Variants in NHSL1 observed in about 807,000 individuals in gnomAD.
NHSL1 encodes NHS like 1.
In NHSL1, 48 loss-of-function variants were observed where a neutral mutation model predicts 95.0. The observed-to-expected ratio is 0.51, with a 90% CI of 0.40 to 0.64. The LOEUF is 0.64. NHSL1 is among the 30% of genes least tolerant of loss of function. The pLI is 0.00. For missense variants in NHSL1, 1,971 were observed against 2,077.7 expected (o/e 0.95, Z 1.00); for synonymous variants, 783 against 833.9 (o/e 0.94, Z 1.05).
chr6:138,430,623 C>T lies in NHSL1; in HGVS notation c.3722G>A (p.Arg1241Lys). The part of the protein sequence containing the change: ...TTGEEGSVHS[R>K]EAKESSAAQA... Reference sequence around the variant, plus strand: ...GGCTGCAGAACTCTCTTTTGCCTCCCTGCTGTGCACAGAGCCCTCCTCTCC... The same window carrying T: ...GGCTGCAGAACTCTCTTTTGCCTCCTTGCTGTGCACAGAGCCCTCCTCTCC... Residue 1241 changes from arginine to lysine, a missense_variant, in exon 6 of 8, where the codon AGG becomes AAG. Coordinates refer to ENST00000343505, the MANE Select transcript of NHSL1 (RefSeq NM_001144060.2). The surrounding 1 kb of genome is among the most constrained non-coding windows in gnomAD (Gnocchi z 4.7). 1 of 1,551,320 alleles carries T rather than the reference C, an allele frequency of 6.4e-7. No homozygotes were observed.
intron 1 of NHSL1, among the ~76,000 whole-genome samples, chr6:138,523,924 T>C (rs544450366): frequency 2.0e-5 from 3 of 152,332 alleles, no homozygotes; most frequent in East Asian, 3.9e-4. Context: ...AAAAAGTTAA[T>C]TGTGCTTACT....
At chr6:138,581,764 G>A (rs1005339871) in intron 1 of NHSL1, among the ~76,000 whole-genome samples, 2 of 150,986 alleles carry the variant, frequency 1.3e-5, no homozygotes, top group South Asian at 4.2e-4. Context: ...TTTACACCAA[G>A]TGTTGAGAGG....
chr6:138,662,405 C>A (rs1785238448), intron 1 of NHSL1, among the ~76,000 whole-genome samples: 1 of 152,188 alleles, frequency 6.6e-6, no homozygotes, highest in South Asian at 2.1e-4. Flanking sequence ...AGGTTAGGAT[C>A]CTCGTCCTTG....
At chr6:138,437,413 T>TACAC (rs71546236) in intron 5 of NHSL1, among the ~76,000 whole-genome samples, 5 of 47,906 alleles carry the variant, frequency 1.0e-4, no homozygotes, top group Non-Finnish European at 1.7e-4. Context: ...TACACACATA[T>TACAC]ACACACACAC....
chr6:138,519,947 C>T (rs889567636), intron 1 of NHSL1, among the ~76,000 whole-genome samples: 1 of 152,100 alleles, frequency 6.6e-6, no homozygotes, highest in African/African-American at 2.4e-5. Context: ...CCCTCTCAAC[C>T]TTTTTCACGT....
intron 1 of NHSL1, among the ~76,000 whole-genome samples, chr6:138,513,238 TA>T (rs1781312458): frequency 6.6e-6 from 1 of 152,346 alleles, no homozygotes; most frequent in African/African-American, 2.4e-5. Context: ...TGGCGAACTT[TA>T]AAGCATTCTT....
At chr6:138,425,995 T>A (rs569734310) in intron 7 of NHSL1, among the ~76,000 whole-genome samples, 1 of 152,330 alleles carries the variant, frequency 6.6e-6, no homozygotes, top group South Asian at 2.1e-4. Flanking sequence ...GTATTTCTTG[T>A]CCTGAGTCTC....
At chr6:138,433,726 A>G (rs1775876351) in intron 5 of NHSL1, 46 bp from the exon 6 acceptor site, 1 of 1,471,484 alleles carries the variant, frequency 6.8e-7, no homozygotes, top group Non-Finnish European at 9.0e-7. Context: ...AATAAAATCC[A>G]TAGTTCATCA....
At chr6:138,435,665 C>T (rs548321307) in intron 5 of NHSL1, among the ~76,000 whole-genome samples, 58 of 151,338 alleles carry the variant, frequency 3.8e-4, no homozygotes, top group African/African-American at 1.2e-3. Context: ...TAGATGCATA[C>T]GTCGTTTTAC....
intron 1 of NHSL1, among the ~76,000 whole-genome samples, chr6:138,673,060 TAGATA>T (rs1304809614): frequency 9.2e-6 from 1 of 108,358 alleles, no homozygotes; most frequent in South Asian, 3.2e-4. Context: ...GATAGATAGA[TAGATA>T]ATGTTTCTAG....
chr6:138,642,347 G>A lies in NHSL1; in HGVS notation c.96+50129C>T, dbSNP rs73566657. Among the ~76,000 whole-genome samples, 1,302 of 152,258 alleles carry A rather than the reference G, an allele frequency of 8.6e-3. 17 individuals are homozygous for A. Among genetic ancestry groups the A allele is most frequent in the African/African-American group, 0.029 (1,190 of 41,550 alleles). On this transcript the variant is annotated intron_variant, in intron 1 of 3. Coordinates refer to the NHSL1 transcript ENST00000491526. ...TGCAAAAAAATACCAAAACCTGGAT[G>A]AGTCAGGAAAAGACTTTGAAGAGAA...
chr6:138,575,025 G>A (rs1023226197), upstream of NHSL1, among the ~76,000 whole-genome samples: 2 of 151,918 alleles, frequency 1.3e-5, no homozygotes, highest in Non-Finnish European at 2.9e-5. Context: ...TCAGCCTCCC[G>A]AGTAGCTAGG....
intron 1 of NHSL1, among the ~76,000 whole-genome samples, chr6:138,600,602 A>C (rs1784358660): frequency 6.6e-6 from 1 of 152,232 alleles, no homozygotes; most frequent in Non-Finnish European, 1.5e-5. Context: ...CCCTGGGTTT[A>C]AGCCATTTGT....
At chr6:138,503,370 T>C (rs934111279), upstream of NHSL1, among the ~76,000 whole-genome samples, 3 of 152,186 alleles carry the variant, frequency 2.0e-5, no homozygotes, top group African/African-American at 7.2e-5. Context: ...CTTGAATGGT[T>C]TTGTTAGTAT....
chr6:138,495,140 G>T (rs1220845117), intron 2 of NHSL1, among the ~76,000 whole-genome samples: 1 of 152,134 alleles, frequency 6.6e-6, no homozygotes, highest in Non-Finnish European at 1.5e-5. Context: ...CTACTCAGAA[G>T]GCTGAGGCAG....
At chr6:138,446,427 T>C (rs1413309885) in intron 4 of NHSL1, among the ~76,000 whole-genome samples, 1 of 152,204 alleles carries the variant, frequency 6.6e-6, no homozygotes, top group African/African-American at 2.4e-5. Context: ...TCACAAATGA[T>C]TACAGGCTGA....
rs538554815 is a variant in NHSL1 at position 138,443,796 on chromosome 6, T to G, written c.533-1682A>C. Among the ~76,000 whole-genome samples, 103 of 152,288 alleles carry G rather than the reference T, an allele frequency of 6.8e-4. 1 individual carries two copies. Among genetic ancestry groups the G allele is most frequent in the East Asian group, 5.4e-3 (28 of 5,178 alleles). The stretch of plus-strand genomic sequence containing the variant: ...AGTGAGCCGAGATTGCGCCACTGCA[T>G]GCCAGCATGGGCGACAGAGTGAGAC... On this transcript the variant is annotated intron_variant, in intron 4 of 7. Coordinates refer to ENST00000343505, the MANE Select transcript of NHSL1 (RefSeq NM_001144060.2).
At position 138,429,846 on chromosome 6, in the gene NHSL1, A is replaced by G. The variant is rs1393093682; in HGVS notation, c.3953-3T>C. 2 of 1,550,068 alleles carry G rather than the reference A, an allele frequency of 1.3e-6. No homozygotes were observed. Among genetic ancestry groups the G allele is most frequent in the Admixed American group, 3.9e-5 (2 of 50,676 alleles). ...TGCGTTGGTCTCCGGCACCCCAGCT[A>G]CAGAAGAGCAGGCAGGCATACAAGA... On this transcript the variant is annotated splice_polypyrimidine_tract_variant and splice_region_variant and intron_variant, in intron 6 of 7. Coordinates refer to ENST00000343505, the MANE Select transcript of NHSL1 (RefSeq NM_001144060.2).
chr6:138,499,586 T>G, upstream of NHSL1: 3 of 351,652 alleles, frequency 8.5e-6, no homozygotes, highest in South Asian at 1.6e-4. Flanking sequence ...ACGGTTCTTA[T>G]TTGCATGACA....
Sources: allele counts gnomAD v4.1 joint callset (sites outside exome capture counted in the v4.1 genomes callset), GRCh38; gene constraint gnomAD v4.1.1; non-coding constraint Gnocchi (gnomAD v3.1); transcripts MANE v1.5; gene names NCBI Gene and HGNC (gene_info 2026-07-23, HGNC 2026-07-21).